Variants in GRB14 observed in about 807,000 individuals in gnomAD.
The protein encoded by GRB14 is growth factor receptor bound protein 14.
In GRB14, 38 loss-of-function variants were observed where a neutral mutation model predicts 69.1. The observed-to-expected ratio is 0.55, with a 90% CI of 0.42 to 0.72. The LOEUF (loss-of-function observed/expected upper bound fraction) is 0.72. Among genes scored for constraint, GRB14 ranks in the 30% least tolerant of loss-of-function variants. GRB14 has a pLI of 0.00. For missense variants in GRB14, 666 were observed against 666.1 expected (o/e 1.00, Z 0.00); for synonymous variants, 247 against 241.3 (o/e 1.02, Z -0.22).
At chr2:164,576,745 A>T in intron 2 of GRB14, among the ~76,000 whole-genome samples, 1 of 151,848 alleles carries the variant, frequency 6.6e-6, no homozygotes, top group East Asian at 1.9e-4. Flanking sequence ...ACATCCCAAA[A>T]TTTTAAAAAA....
At chr2:164,496,901 T>C (rs980295767) in intron 12 of GRB14, 107 bp downstream of exon 12, 14 of 840,038 alleles carry the variant, frequency 1.7e-5, no homozygotes, top group Middle Eastern at 2.4e-4. Flanking sequence ...ACTTCTGTTT[T>C]ATGATAAGCC....
chr2:164,528,172 T>C (rs1687830293), intron 3 of GRB14, among the ~76,000 whole-genome samples: 1 of 152,086 alleles, frequency 6.6e-6, no homozygotes, highest in African/African-American at 2.4e-5. Context: ...AGTGGGGGCA[T>C]GAACGGAATC....
intron 3 of GRB14, among the ~76,000 whole-genome samples, chr2:164,530,016 G>A (rs777032417): frequency 1.3e-5 from 2 of 152,092 alleles, no homozygotes; most frequent in Admixed American, 6.6e-5. Flanking sequence ...TCATTCTAAT[G>A]GGAATACATG....
At chr2:164,560,500 C>A (rs1233275167) in intron 2 of GRB14, among the ~76,000 whole-genome samples, 2 of 151,854 alleles carry the variant, frequency 1.3e-5, no homozygotes, top group East Asian at 3.9e-4. Flanking sequence ...AAGCTTGTGA[C>A]AAAGTTAATA....
At chr2:164,515,172 C>T (rs139906498) in intron 6 of GRB14, among the ~76,000 whole-genome samples, 59 of 152,296 alleles carry the variant, frequency 3.9e-4, no homozygotes, top group Non-Finnish European at 7.5e-4. Flanking sequence ...TGCTCCAGGG[C>T]ACCATCCACC....
chr2:164,615,631 AAAG>A (rs1436092586), intron 2 of GRB14, among the ~76,000 whole-genome samples: 4 of 152,194 alleles, frequency 2.6e-5, no homozygotes, highest in Non-Finnish European at 5.9e-5. Flanking sequence ...ACGTATCACT[AAAG>A]AAGAATATTG....
intron 6 of GRB14, among the ~76,000 whole-genome samples, chr2:164,514,661 T>TA: frequency 6.6e-6 from 1 of 152,022 alleles, no homozygotes; most frequent in Non-Finnish European, 1.5e-5. Context: ...CTGAACTTTG[T>TA]AACAATTTCA....
chr2:164,604,961 T>C (rs1301360727), intron 2 of GRB14, among the ~76,000 whole-genome samples: 1 of 152,204 alleles, frequency 6.6e-6, no homozygotes, highest in Non-Finnish European at 1.5e-5. Context: ...TACAACACTG[T>C]GGATGCACTT....
intron 2 of GRB14, among the ~76,000 whole-genome samples, chr2:164,612,426 C>T (rs1690189355): frequency 3.3e-5 from 5 of 152,188 alleles, no homozygotes; most frequent in Admixed American, 2.6e-4. Context: ...AGGATGGTCT[C>T]CCTATGTCAG....
At chr2:164,519,987 G>A (rs751074619) in intron 6 of GRB14, among the ~76,000 whole-genome samples, 16 of 151,624 alleles carry the variant, frequency 1.1e-4, no homozygotes, top group East Asian at 7.8e-4. Flanking sequence ...TACCATCATC[G>A]TTCTTCACAG....
At chr2:164,576,601 A>G (rs903798123) in intron 2 of GRB14, among the ~76,000 whole-genome samples, 1 of 151,904 alleles carries the variant, frequency 6.6e-6, no homozygotes, top group Non-Finnish European at 1.5e-5. Flanking sequence ...ATGAAAATTG[A>G]AAGTGTAAAA....
At chr2:164,496,970 A>G in intron 12 of GRB14, 38 bp downstream of exon 12, 1 of 1,483,040 alleles carries the variant, frequency 6.7e-7, no homozygotes, top group South Asian at 1.1e-5. Flanking sequence ...GGAGAAATCC[A>G]ATTCACAAGT....
chr2:164,493,146 C>T lies in GRB14; in HGVS notation c.1513G>A (p.Asp505Asn). The T allele has an allele frequency of 6.2e-7, 1 of 1,613,502 alleles. No individual in the cohort carries two copies. Among genetic ancestry groups the T allele is most frequent in the South Asian group, 1.1e-5 (1 of 91,046 alleles). The change falls in exon 14 of 14, where the codon GAT becomes AAT. Residue 505 changes from aspartate (D) to asparagine (N), a missense_variant. Coordinates refer to ENST00000263915, the MANE Select transcript of GRB14 (RefSeq NM_004490.3). ...AGATCTGTAAATCTTGTGTGGCCAT[C>T]ATCCAGTGTGTGGAACATTTCACCG... ...DDGEMFHTLDDGHTRFTDLIQ... is the reference protein window; with the variant it reads ...DDGEMFHTLDNGHTRFTDLIQ...
At chr2:164,505,396 A>G (rs953502288) in intron 8 of GRB14, among the ~76,000 whole-genome samples, 1 of 152,188 alleles carries the variant, frequency 6.6e-6, no homozygotes, top group African/African-American at 2.4e-5. Context: ...AATCTATAAC[A>G]TCTTACATTC....
chr2:164,619,900 A>G lies in GRB14; in HGVS notation c.192-81T>C. On this transcript the variant is annotated intron_variant, in intron 1 of 13. Coordinates refer to ENST00000263915, the MANE Select transcript of GRB14 (RefSeq NM_004490.3). ...TGCTGTCAGGAATAAAAAGTGTGCT[A>G]AGGCGAACATGTACCACTCTGTGAC... The G allele has an allele frequency of 2.5e-6, 3 of 1,181,824 alleles. No homozygotes were observed. In the South Asian group the frequency reaches 3.8e-5, roughly 15 times the overall value. The allele number at this position is 1,181,824 out of a possible 1,614,324, so 73.2% of individuals were successfully genotyped here. A position where few individuals can be genotyped will look rare whatever the true frequency, so the allele number is the denominator to read the frequency against.
Position 164,621,393 on chromosome 2 carries a change from G to C in GRB14, c.-84C>G, listed in dbSNP as rs62173895. 722,648 of 1,134,230 alleles carry C rather than the reference G, an allele frequency of 0.64. 237,273 individuals carry two copies. The highest frequency in any genetic ancestry group is 0.71 in the Admixed American group (16,943 of 24,026). 70.3% of individuals were successfully genotyped at this position (1,134,230 alleles called of 1,614,324 possible). On this transcript the variant is annotated 5_prime_UTR_variant, in exon 1 of 14. Transcript: ENST00000263915. This position sits in a 1 kb window ranked among gnomAD's most constrained non-coding sequence, Gnocchi z 6.0. Reference sequence around the variant, plus strand: ...TTGCGCGGCGGGAGGCGAGGTGCCGGCTAGGCAGCCCGAGCGCTCTGCAGG... The same window carrying C: ...TTGCGCGGCGGGAGGCGAGGTGCCGCCTAGGCAGCCCGAGCGCTCTGCAGG...
chr2:164,597,928 A>G (rs1390366747), intron 2 of GRB14, among the ~76,000 whole-genome samples: 1 of 152,022 alleles, frequency 6.6e-6, no homozygotes, highest in African/African-American at 2.4e-5. Flanking sequence ...TCCCTAGGAT[A>G]CTTAAAATAG....
chr2:164,569,961 C>CAACAATAACAAAGACCATGGT (rs1689087465), intron 2 of GRB14, among the ~76,000 whole-genome samples: 3 of 152,048 alleles, frequency 2.0e-5, no homozygotes, highest in African/African-American at 7.2e-5. Flanking sequence ...TTCAGCAAGC[C>CAACAATAACAAAGACCATGGT]AACAATAACA....
At chr2:164,600,008 A>C (rs1417072214) in intron 2 of GRB14, among the ~76,000 whole-genome samples, 1 of 152,238 alleles carries the variant, frequency 6.6e-6, no homozygotes, top group Non-Finnish European at 1.5e-5. Context: ...CCTTACTTAA[A>C]TAAGTTTCAG....
Sources: allele counts gnomAD v4.1 joint callset (sites outside exome capture counted in the v4.1 genomes callset), GRCh38; gene constraint gnomAD v4.1.1; non-coding constraint Gnocchi (gnomAD v3.1); transcripts MANE v1.5; gene names NCBI Gene and HGNC (gene_info 2026-07-23, HGNC 2026-07-21).